The following KALRN variants were observed in gnomAD, a reference collection of about 807,000 sequenced individuals.
KALRN encodes the protein kalirin RhoGEF kinase, also known as kalirin.
In KALRN, 70 loss-of-function variants were observed where a neutral mutation model predicts 353.7. The observed-to-expected ratio is 0.20, with a 90% CI of 0.16 to 0.24. The LOEUF is 0.24. Ranked by LOEUF, KALRN falls within the 10% of genes least tolerant of loss-of-function variation. The probability of loss-of-function intolerance (pLI) is 1.00; values close to 1 mark genes in which losing one functional copy is unlikely to be tolerated. For synonymous variants in KALRN, 1,391 were observed against 1,434.8 expected (o/e 0.97, Z 0.69); for missense variants, 2,791 against 3,756.7 (o/e 0.74, Z 6.72).
chr3:124,234,627 C>A (rs2079539491), intron 2 of KALRN, among the ~76,000 whole-genome samples: 1 of 152,114 alleles, frequency 6.6e-6, no homozygotes, highest in Non-Finnish European at 1.5e-5. Flanking sequence ...AGATGAGGCA[C>A]CAGAGAAGCC....
At position 124,395,543 on chromosome 3, in the gene KALRN, T is replaced by C. The variant is rs1056505593; in HGVS notation, c.2171+200T>C. 3 of 538,748 alleles carry C rather than the reference T, an allele frequency of 5.6e-6. No homozygotes were observed. In the African/African-American group the frequency reaches 5.7e-5, roughly 10 times the overall value. 33.4% of individuals were successfully genotyped at this position (538,748 alleles called of 1,614,324 possible). On this transcript the variant is annotated intron_variant, in intron 12 of 59. Transcript: ENST00000682506. ...TAGTAAATGGAAAAGCTTTAATGTT[T>C]CAAAGAATTATTTATCATTCAGGAT...
At chr3:124,425,228 G>T (rs1009034646) in intron 15 of KALRN, among the ~76,000 whole-genome samples, 4 of 152,148 alleles carry the variant, frequency 2.6e-5, no homozygotes, top group African/African-American at 9.7e-5. Flanking sequence ...GGTGACTATA[G>T]TTAACAATTT....
At chr3:124,522,512 C>T (rs1486449915) in intron 33 of KALRN, among the ~76,000 whole-genome samples, 2 of 152,150 alleles carry the variant, frequency 1.3e-5, no homozygotes, top group African/African-American at 4.8e-5. Context: ...CTTCTCATGG[C>T]ATGTACCAAT....
chr3:124,075,308 C>G lies in KALRN; in HGVS notation c.73+41495C>G, dbSNP rs778570847. Among the ~76,000 whole-genome samples the G allele has an allele frequency of 4.6e-5, 7 of 152,312 alleles. 1 individual carries two copies. The Middle Eastern group carries it at 0.01, about 222-fold the overall frequency. On this transcript the variant is annotated intron_variant, in intron 1 of 59. Transcript: ENST00000682506. ...ATATGGTTCTGGTGATTTATTTACA[C>G]TTCATTTGTCAGTCGGGTTCTCATG...
In KALRN at chr3:124,615,075, C is replaced by T. The variant is rs114291027; in HGVS notation, c.5183-17345C>T. Among the ~76,000 whole-genome samples, 560 of 152,282 alleles carry T rather than the reference C, an allele frequency of 3.7e-3. 5 individuals are homozygous for T. The highest frequency in any genetic ancestry group is 0.013 in the African/African-American group (534 of 41,542). The stretch of plus-strand genomic sequence containing the variant: ...AAATTATATCAGAGTTTTAAAACAG[C>T]TGGGCTAAGTGAGTATGCAGTTTTA... On this transcript the variant is annotated intron_variant, in intron 34 of 59. Coordinates refer to ENST00000682506, the MANE Select transcript of KALRN (RefSeq NM_001388419.1).
intron 10 of KALRN, among the ~76,000 whole-genome samples, chr3:124,355,374 A>T (rs2083275275): frequency 6.6e-6 from 1 of 152,246 alleles, no homozygotes; most frequent in African/African-American, 2.4e-5. Context: ...TTAAAAAGAT[A>T]TTGACAAAAT....
intron 6 of KALRN, among the ~76,000 whole-genome samples, chr3:124,320,239 C>G (rs1264751374): frequency 2.6e-5 from 4 of 152,136 alleles, no homozygotes; most frequent in African/African-American, 9.7e-5. Flanking sequence ...AAGAGCTTGT[C>G]GAGAGGACAG....
chr3:124,495,971 A>ATATATATATATATG, intron 32 of KALRN, among the ~76,000 whole-genome samples: 2 of 19,842 alleles, frequency 1.0e-4, no homozygotes, highest in South Asian at 1.7e-3. Context: ...GTATGTATAT[A>ATATATATATATATG]TATATATATA....
intron 1 of KALRN, among the ~76,000 whole-genome samples, chr3:124,117,450 C>T (rs908355125): frequency 6.6e-6 from 1 of 151,966 alleles, no homozygotes; most frequent in African/African-American, 2.4e-5. Flanking sequence ...AAGGATGCTA[C>T]AAAAGTGCCT....
rs77472867 is a variant in KALRN at position 124,629,118 on chromosome 3, G to A, written c.5183-3302G>A. On this transcript the variant is annotated intron_variant, in intron 34 of 59. Transcript: ENST00000682506. ...GTATGCAAACCGGCACTGTCAGGGG[G>A]CCTATGTGCGGGTGAGGTAGAGCTG... Among the ~76,000 whole-genome samples the A allele has an allele frequency of 6.0e-3, 909 of 152,238 alleles. 6 individuals carry two copies. Among genetic ancestry groups the A allele is most frequent in the African/African-American group, 0.021 (864 of 41,520 alleles).
At chr3:124,186,434 G>A (rs1465304049) in intron 1 of KALRN, among the ~76,000 whole-genome samples, 1 of 152,184 alleles carries the variant, frequency 6.6e-6, no homozygotes, top group African/African-American at 2.4e-5. Flanking sequence ...GATTAAATGA[G>A]TGAATAAGTT....
intron 1 of KALRN, among the ~76,000 whole-genome samples, chr3:124,109,643 A>G (rs1178708030): frequency 6.6e-6 from 1 of 151,304 alleles, no homozygotes; most frequent in Non-Finnish European, 1.5e-5. Flanking sequence ...TAAAAATGGA[A>G]TATATTTACC....
intron 6 of KALRN, among the ~76,000 whole-genome samples, chr3:124,304,362 A>G (rs1025981316): frequency 6.6e-6 from 1 of 152,164 alleles, no homozygotes; most frequent in African/African-American, 2.4e-5. Flanking sequence ...TTACCACCCT[A>G]GTTCTGGAAA....
At chr3:124,293,333 ACT>A (rs1403941590) in intron 5 of KALRN, among the ~76,000 whole-genome samples, 1 of 152,146 alleles carries the variant, frequency 6.6e-6, no homozygotes, top group Non-Finnish European at 1.5e-5. Context: ...GAAAGTTAAA[ACT>A]CTAAATCAGA....
intron 44 of KALRN, 141 bp from the exon 45 acceptor site, chr3:124,661,710 G>C: frequency 2.8e-6 from 2 of 708,422 alleles, no homozygotes; most frequent in South Asian, 3.3e-5. Flanking sequence ...CTCTCTGAGA[G>C]TGGACAGCCA....
chr3:124,674,800 T>A, intron 49 of KALRN, 186 bp downstream of exon 49: 1 of 485,712 alleles, frequency 2.1e-6, no homozygotes, highest in Non-Finnish European at 3.3e-6. Context: ...GCTGGAGTGA[T>A]CCAGTTTTTT....
chr3:124,690,605 A>G (rs1390834303), intron 51 of KALRN, among the ~76,000 whole-genome samples: 1 of 152,228 alleles, frequency 6.6e-6, no homozygotes, highest in Non-Finnish European at 1.5e-5. Flanking sequence ...GCTGAATGCT[A>G]TGATGGAACG....
intron 39 of KALRN, among the ~76,000 whole-genome samples, chr3:124,656,589 C>T (rs752150736): frequency 9.9e-5 from 15 of 151,932 alleles, no homozygotes; most frequent in East Asian, 1.9e-4. Flanking sequence ...CCAGCCTGGG[C>T]GACAGAGCAA....
chr3:124,703,544 A>G (rs1203466345), intron 57 of KALRN, among the ~76,000 whole-genome samples: 1 of 151,112 alleles, frequency 6.6e-6, no homozygotes, highest in Non-Finnish European at 1.5e-5. Flanking sequence ...CTGGTCTTGA[A>G]CTCCTGGGCT....
Sources: allele counts gnomAD v4.1 joint callset (sites outside exome capture counted in the v4.1 genomes callset), GRCh38; gene constraint gnomAD v4.1.1; transcripts MANE v1.5; gene names NCBI Gene and HGNC (gene_info 2026-07-23, HGNC 2026-07-21).